USP27X: variants seen among roughly 807,000 people sequenced by gnomAD.
The protein encoded by USP27X is ubiquitin carboxyl-terminal hydrolase 27.
For missense variants in USP27X, 161 were observed against 341.0 expected (o/e 0.47, Z 4.16); for synonymous variants, 109 against 141.5 (o/e 0.77, Z 1.63).
In USP27X at chrX:49,882,356, A is replaced by AG. The variant is rs1402955309; in HGVS notation, c.*732_*733insG. 11 of 119,798 alleles carry AG rather than the reference A, an allele frequency of 9.2e-5. No homozygotes were observed. The highest frequency in any genetic ancestry group is 1.7e-4 in the Non-Finnish European group (9 of 52,190). The allele number at this position is 119,798 out of a possible 1,213,427, so 9.9% of individuals were successfully genotyped here. Reference sequence around the variant, plus strand: ...AGTGTGTGTGTGTTAAAAAAAAAAAAAAAAAAAGAAAAAAAAAAGCTGTAT... The same window carrying AG: ...AGTGTGTGTGTGTTAAAAAAAAAAAAGAAAAAAAGAAAAAAAAAAGCTGTAT... On this transcript the variant is annotated 3_prime_UTR_variant, in exon 1 of 1. Transcript: ENST00000621775.
chrX:49,881,129 G>A lies in USP27X; in HGVS notation c.822G>A (p.Glu274=). 8.6e-7 allele frequency: 1 copy of A among 1,168,429 alleles called. No homozygotes were observed. The highest frequency in any genetic ancestry group is 1.1e-6 in the Non-Finnish European group (1 of 873,335). Residue 274 remains glutamate (E), a synonymous_variant, in exon 1 of 1, where the codon GAG becomes GAA. Coordinates refer to ENST00000621775, the MANE Select transcript of USP27X (RefSeq NM_001145073.3). The part of the protein sequence containing the change: ...TDCLRRFTRP[E]HLGSSAKIKC... ...GCTTGCGGAGGTTTACGAGGCCAGA[G>A]CACTTAGGAAGCAGTGCCAAAATCA...
rs782686004 is a variant in USP27X, at chrX:49,881,300, G to A, written c.993G>A (p.Leu331=). ...RKITTYISFP[L]ELDMTPFMAS... is the part of the protein sequence containing the mutation. ...TCACTACATACATTTCCTTTCCTCT[G>A]GAGCTGGATATGACGCCGTTTATGG... The change falls in exon 1 of 1, where the codon CTG becomes CTA. Residue 331 remains leucine, a synonymous_variant. Transcript: ENST00000621775. The A allele has an allele frequency of 2.2e-5, 26 of 1,169,098 alleles. No homozygotes were observed. The South Asian group carries it at 4.7e-4, about 21-fold the overall frequency.
rs1924338313 is a variant in USP27X, at chrX:49,879,618, GTGGA to G, written c.-689_-686del. On this transcript the variant is annotated 5_prime_UTR_variant, in exon 1 of 1. Transcript: ENST00000621775. The stretch of plus-strand genomic sequence containing the variant: ...GGGGAAGGCGGAGGCGGCGGGGAAG[GTGGA>G]CGCCACCGAGAAGGTGGAGACGGCG... 1.9e-5 allele frequency among the ~76,000 whole-genome samples: 2 copies of G among 107,237 alleles called. No homozygotes were observed. The highest frequency in any genetic ancestry group is 1.9e-4 in the Admixed American group (2 of 10,451). The allele number at this position is 107,237 out of a possible 115,157, so 93.1% of individuals were successfully genotyped here.
In USP27X at chrX:49,882,344, TAAAAAAAAAAAAAAAAA is replaced by T. The variant is rs879965589; in HGVS notation, c.*723_*739del. On this transcript the variant is annotated 3_prime_UTR_variant, in exon 1 of 1. Transcript: ENST00000621775. The stretch of plus-strand genomic sequence containing the variant: ...AGCTAAGAGTATAGTGTGTGTGTGT[TAAAAAAAAAAAAAAAAA>T]AAGAAAAAAAAAAGCTGTATGATAT... The T allele has an allele frequency of 2.8e-5, 2 of 71,824 alleles. No homozygotes were observed. The highest frequency in any genetic ancestry group is 1.3e-4 in the African/African-American group (2 of 15,973). 5.9% of individuals were successfully genotyped at this position (71,824 alleles called of 1,213,427 possible). A position where few individuals can be genotyped will look rare whatever the true frequency, so the allele number is the denominator to read the frequency against.
At position 49,879,729 on chromosome X, in the gene USP27X, G is replaced by C; in HGVS notation, c.-579G>C. On this transcript the variant is annotated 5_prime_UTR_variant, in exon 1 of 1. Transcript: ENST00000621775. Reference sequence around the variant, plus strand: ...TGAGCTCAAGCTGGAGCCCGAACCCGAGCCGGTCCGGGAGGCGGAGCAGGA... The same window carrying C: ...TGAGCTCAAGCTGGAGCCCGAACCCCAGCCGGTCCGGGAGGCGGAGCAGGA... Among the ~76,000 whole-genome samples the C allele has an allele frequency of 9.0e-6, 1 of 111,507 alleles. No individual in the cohort carries two copies. Among genetic ancestry groups the C allele is most frequent in the Middle Eastern group, 4.3e-3 (1 of 234 alleles).
Position 49,879,897 on chromosome X carries a change from C to G in USP27X, c.-411C>G, listed in dbSNP as rs1218075124. 9.0e-6 allele frequency: 1 copy of G among 111,639 alleles called. No individual in the cohort carries two copies. The highest frequency in any genetic ancestry group is 1.9e-5 in the Non-Finnish European group (1 of 52,523). The allele number at this position is 111,639 out of a possible 1,213,427, so 9.2% of individuals were successfully genotyped here. On this transcript the variant is annotated 5_prime_UTR_variant, in exon 1 of 1. Transcript: ENST00000621775. ...GCGTCGCAGTCGTGCGCCGCGCCGC[C>G]GACCCCGGCCCCGGCCCCAGACCCG...
Position 49,880,004 on chromosome X carries a change from T to G in USP27X, c.-304T>G. ...GCGGCCCTGGGGGCGGATGCCTGGA[T>G]GTGGATTTTGCCGTGGGGCCACCAG... On this transcript the variant is annotated 5_prime_UTR_variant, in exon 1 of 1. The change abolishes an upstream ATG in the 5' untranslated region. Coordinates refer to ENST00000621775, the MANE Select transcript of USP27X (RefSeq NM_001145073.3). The G allele has an allele frequency of 1.2e-5, 2 of 163,136 alleles. No individual in the cohort carries two copies. Among genetic ancestry groups the G allele is most frequent in the Non-Finnish European group, 2.3e-5 (2 of 85,298 alleles). The allele number at this position is 163,136 out of a possible 1,213,427, so 13.4% of individuals were successfully genotyped here.
rs1258258637 is a variant in USP27X at position 49,880,393 on chromosome X, C to T, written c.86C>T (p.Thr29Ile). The change falls in exon 1 of 1, where the codon ACC becomes ATC. Residue 29 changes from threonine (T) to isoleucine (I), a missense_variant. Transcript: ENST00000621775. Reference sequence around the variant, plus strand: ...GAAGCTTTGAAATTACAAGCCTCCACCTCAACAGAGGTTTCTCACCAGCAG... The same window carrying T: ...GAAGCTTTGAAATTACAAGCCTCCATCTCAACAGAGGTTTCTCACCAGCAG... ...QGEALKLQAS[T>I]STEVSHQQCS... The T allele has an allele frequency of 1.6e-5, 19 of 1,166,358 alleles. No homozygotes were observed. The highest frequency in any genetic ancestry group is 2.2e-5 in the Non-Finnish European group (19 of 872,644).
rs1351336634 is a variant in USP27X at position 49,879,517 on chromosome X, A to C, written c.-791A>C. Among the ~76,000 whole-genome samples, 4 of 110,644 alleles carry C rather than the reference A, an allele frequency of 3.6e-5. No individual in the cohort carries two copies. Among genetic ancestry groups the C allele is most frequent in the Non-Finnish European group, 7.6e-5 (4 of 52,532 alleles). On this transcript the variant is annotated 5_prime_UTR_variant, in exon 1 of 1. Transcript: ENST00000621775. Reference sequence around the variant, plus strand: ...CCGCCAGTGGAGGCGGAGGAGGTAGAGGAGGCGGAGACGGCGGAGAAGGCG... The same window carrying C: ...CCGCCAGTGGAGGCGGAGGAGGTAGCGGAGGCGGAGACGGCGGAGAAGGCG...
rs1924417241 is a variant in USP27X, at chrX:49,882,454, T to G, written c.*830T>G. On this transcript the variant is annotated 3_prime_UTR_variant, in exon 1 of 1. Transcript: ENST00000621775. ...CTGTAAAATGCAGATAATTCCTACCTTAAAGGGTTATTGTTAAAGATAAAA... is the reference window on the plus strand; with the variant it reads ...CTGTAAAATGCAGATAATTCCTACCGTAAAGGGTTATTGTTAAAGATAAAA... The G allele has an allele frequency of 2.4e-5, 3 of 122,486 alleles. No individual in the cohort carries two copies. The highest frequency in any genetic ancestry group is 1.9e-4 in the Admixed American group (2 of 10,464). 10.1% of individuals were successfully genotyped at this position (122,486 alleles called of 1,213,427 possible).
Position 49,881,426 on chromosome X carries a change from A to G in USP27X, c.1119A>G (p.Gln373=). ...CCTTGTTTGCTGTGGTTAATCACCA[A>G]GGAACCTTGGAGAGTGGCCACTATA... ...KYSLFAVVNH[Q]GTLESGHYTS... is the part of the protein sequence containing the mutation. The change falls in exon 1 of 1, where the codon CAA becomes CAG. Residue 373 remains glutamine, a synonymous_variant. Transcript: ENST00000621775. 8.3e-7 allele frequency: 1 copy of G among 1,211,572 alleles called. No homozygotes were observed. The highest frequency in any genetic ancestry group is 1.1e-6 in the Non-Finnish European group (1 of 895,373).
rs1924388268 is a variant in USP27X at position 49,881,455 on chromosome X, G to C, written c.1148G>C (p.Ser383Thr). The change falls in exon 1 of 1, where the codon AGC (serine) becomes ACC (threonine). Residue 383 changes from serine (S) to threonine (T), a missense_variant. Coordinates refer to ENST00000621775, the MANE Select transcript of USP27X (RefSeq NM_001145073.3). ...ACCTTGGAGAGTGGCCACTATACCA[G>C]CTTCATCCGGCACCACAAGGACCAG... ...QGTLESGHYT[S>T]FIRHHKDQWF... is the part of the protein sequence containing the mutation. 8.3e-7 allele frequency: 1 copy of C among 1,209,699 alleles called. No homozygotes were observed. The highest frequency in any genetic ancestry group is 1.1e-6 in the Non-Finnish European group (1 of 895,107).
chrX:49,881,327 C>T lies in USP27X; in HGVS notation c.1020C>T (p.Ala340=), dbSNP rs1924385259. The stretch of plus-strand genomic sequence containing the variant: ...AGCTGGATATGACGCCGTTTATGGC[C>T]TCAAGTAAAGAGAGCAGAATGAATG... The part of the protein sequence containing the change: ...PLELDMTPFM[A]SSKESRMNGQ... Residue 340 remains alanine (A), a synonymous_variant, in exon 1 of 1, where the codon GCC becomes GCT. Transcript: ENST00000621775. 20 of 1,177,854 alleles carry T rather than the reference C, an allele frequency of 1.7e-5. No homozygotes were observed. The highest frequency in any genetic ancestry group is 2.3e-5 in the Non-Finnish European group (20 of 878,072).
chrX:49,879,716 G>GGAGCCC lies in USP27X; in HGVS notation c.-589_-584dup, dbSNP rs1302396381. Among the ~76,000 whole-genome samples the GGAGCCC allele has an allele frequency of 9.0e-6, 1 of 111,115 alleles. No homozygotes were observed. Among genetic ancestry groups the GGAGCCC allele is most frequent in the Non-Finnish European group, 1.9e-5 (1 of 52,554 alleles). On this transcript the variant is annotated 5_prime_UTR_variant, in exon 1 of 1. Transcript: ENST00000621775. ...CGGGCCGCCGGGCTGAGCTCAAGCTGGAGCCCGAACCCGAGCCGGTCCGGG... is the reference window on the plus strand; with the variant it reads ...CGGGCCGCCGGGCTGAGCTCAAGCTGGAGCCCGAGCCCGAACCCGAGCCGGTCCGGG...
At position 49,881,816 on chromosome X, in the gene USP27X, T is replaced by G. The variant is rs782575981; in HGVS notation, c.*192T>G. 81 of 407,526 alleles carry G rather than the reference T, an allele frequency of 2.0e-4. No homozygotes were observed. The highest frequency in any genetic ancestry group is 4.9e-5 in the Admixed American group (1 of 20,304). 33.6% of individuals were successfully genotyped at this position (407,526 alleles called of 1,213,427 possible). ...GGAGAAGAGGCTCTAGTCTAAGCAGTTGATGAAAGGGAAATTAAATGGTAG... is the reference window on the plus strand; with the variant it reads ...GGAGAAGAGGCTCTAGTCTAAGCAGGTGATGAAAGGGAAATTAAATGGTAG... On this transcript the variant is annotated 3_prime_UTR_variant, in exon 1 of 1. Coordinates refer to ENST00000621775, the MANE Select transcript of USP27X (RefSeq NM_001145073.3).
Position 49,880,348 on chromosome X carries a change from T to C in USP27X, c.41T>C (p.Ile14Thr). The change falls in exon 1 of 1, where the codon ATT (isoleucine) becomes ACT (threonine). Residue 14 changes from isoleucine (I) to threonine (T), a missense_variant. Transcript: ENST00000621775. ...DYVYDKDIEQIAKEEQGEALK... is the reference protein window; with the variant it reads ...DYVYDKDIEQTAKEEQGEALK... ...GTATATGACAAAGACATTGAGCAAA[T>C]TGCCAAAGAAGAGCAAGGAGAAGCT... The C allele has an allele frequency of 8.6e-7, 1 of 1,165,093 alleles. No homozygotes were observed. The highest frequency in any genetic ancestry group is 1.1e-6 in the Non-Finnish European group (1 of 871,477).
chrX:49,880,778 A>G lies in USP27X; in HGVS notation c.471A>G (p.Leu157=), dbSNP rs781920886. Residue 157 remains leucine (L), a synonymous_variant, in exon 1 of 1, where the codon TTA becomes TTG. Transcript: ENST00000621775. Reference sequence around the variant, plus strand: ...TGGTGTGGATACATGCCCGCCATTTAGCAGGGTACAGGCAACAGGATGCCC... The same window carrying G: ...TGGTGTGGATACATGCCCGCCATTTGGCAGGGTACAGGCAACAGGATGCCC... ...LHLVWIHARH[L]AGYRQQDAHE... 2.0e-5 allele frequency: 24 copies of G among 1,172,064 alleles called. 1 individual carries two copies. The African/African-American group carries it at 2.7e-4, about 13-fold the overall frequency.
Position 49,880,038 on chromosome X carries a change from C to A in USP27X, c.-270C>A. ...TGCCGTGGGGCCACCAGGCTGTTCTCACGTGAACAGCTTTAAGGTGGGAGA... is the reference window on the plus strand; with the variant it reads ...TGCCGTGGGGCCACCAGGCTGTTCTAACGTGAACAGCTTTAAGGTGGGAGA... On this transcript the variant is annotated 5_prime_UTR_variant, in exon 1 of 1. An upstream open reading frame in the 5' UTR gains an earlier in-frame stop. Transcript: ENST00000621775. 1 of 253,453 alleles carries A rather than the reference C, an allele frequency of 3.9e-6. No individual in the cohort carries two copies. Among genetic ancestry groups the A allele is most frequent in the South Asian group, 1.5e-4 (1 of 6,487 alleles). 20.9% of individuals were successfully genotyped at this position (253,453 alleles called of 1,213,427 possible). A position where few individuals can be genotyped will look rare whatever the true frequency, so the allele number is the denominator to read the frequency against.
rs782212319 is a variant in USP27X at position 49,881,649 on chromosome X, TG to T, written c.*27del. 9.1e-7 allele frequency: 1 copy of T among 1,097,747 alleles called. No homozygotes were observed. The highest frequency in any genetic ancestry group is 1.9e-5 in the African/African-American group (1 of 53,878). 90.5% of individuals were successfully genotyped at this position (1,097,747 alleles called of 1,213,427 possible). On this transcript the variant is annotated 3_prime_UTR_variant, in exon 1 of 1. Transcript: ENST00000621775. Reference sequence around the variant, plus strand: ...AAGTGACACACAGACCTACCTGCAATGGAAGATGACGACACCAATACTACAA... The same window carrying T: ...AAGTGACACACAGACCTACCTGCAATGAAGATGACGACACCAATACTACAA...
Sources: allele counts gnomAD v4.1 joint callset (sites outside exome capture counted in the v4.1 genomes callset), GRCh38; gene constraint gnomAD v4.1.1; transcripts MANE v1.5; gene names NCBI Gene and HGNC (gene_info 2026-07-23, HGNC 2026-07-21).